Variants in DGKH observed in about 807,000 individuals in gnomAD.
DGKH encodes the protein DAG kinase eta.
A neutral mutation model predicts 159.3 loss-of-function variants in DGKH; 90 were observed. The ratio of observed to expected loss-of-function variants is 0.57; its 90% confidence interval spans 0.48 to 0.67. The LOEUF (loss-of-function observed/expected upper bound fraction) is 0.67. Ranked by LOEUF, DGKH falls within the 30% of genes least tolerant of loss-of-function variation. DGKH has a pLI of 0.00. For synonymous variants in DGKH, 536 were observed against 553.8 expected (o/e 0.97, Z 0.45); for missense variants, 1,181 against 1,506.1 (o/e 0.78, Z 3.57).
At chr13:42,175,447 T>C (rs1475327) in intron 12 of DGKH, among the ~76,000 whole-genome samples, 33,351 of 152,180 alleles carry the variant, frequency 0.22, 4,357 homozygotes, top group Admixed American at 0.29. Flanking sequence ...CACATTTTTA[T>C]GGAAATCAGT....
chr13:42,194,800 T>A lies in DGKH; in HGVS notation c.2036-85T>A, dbSNP rs1383595468. Reference sequence around the variant, plus strand: ...CATTTCTACTGATTGATTTAAACATTATTTTATGTTTTAAATTTATAGGAA... The same window carrying A: ...CATTTCTACTGATTGATTTAAACATAATTTTATGTTTTAAATTTATAGGAA... On this transcript the variant is annotated intron_variant, in intron 16 of 29. Transcript: ENST00000337343. 3 of 1,423,196 alleles carry A rather than the reference T, an allele frequency of 2.1e-6. No homozygotes were observed. In the East Asian group the frequency reaches 7.2e-5, roughly 34 times the overall value. 88.2% of individuals were successfully genotyped at this position (1,423,196 alleles called of 1,614,324 possible).
rs1157786636 is a variant in DGKH, at chr13:42,053,406, A to G, written c.192+4441A>G. On this transcript the variant is annotated intron_variant, in intron 1 of 29. Coordinates refer to ENST00000337343, the MANE Select transcript of DGKH (RefSeq NM_178009.5). Reference sequence around the variant, plus strand: ...TATAACTATATATGTAACTGTATATATATAACTATATATGTAACTCTATAT... The same window carrying G: ...TATAACTATATATGTAACTGTATATGTATAACTATATATGTAACTCTATAT... 6.8e-5 allele frequency among the ~76,000 whole-genome samples: 10 copies of G among 147,638 alleles called. No individual in the cohort carries two copies. In the East Asian group the frequency reaches 1.4e-3, roughly 20 times the overall value.
At chr13:42,181,674 C>T in intron 13 of DGKH, 1 of 406,742 alleles carries the variant, frequency 2.5e-6, no homozygotes, top group African/African-American at 2.1e-5. Context: ...GTTTAAGCCA[C>T]CCCATTCCCA....
rs17702229 is a variant in DGKH at position 42,198,545 on chromosome 13, C to T, written c.2235C>T (p.Asn745=). The stretch of plus-strand genomic sequence containing the variant: ...TTATCAACAAAATGTTACTGGCAAA[C>T]ATTGATCCTTTTGGTGCCACGCCGT... The part of the protein sequence containing the change: ...SSIINKMLLA[N]IDPFGATPFI... The change falls in exon 18 of 30, where the codon AAC becomes AAT. Residue 745 remains asparagine (N), a synonymous_variant. Transcript: ENST00000337343. The T allele has an allele frequency of 2.2e-4, 360 of 1,613,544 alleles. 3 individuals carry two copies. In the East Asian group the frequency reaches 6.9e-3, roughly 31 times the overall value.
At chr13:42,174,246 A>G (rs892863049) in intron 12 of DGKH, 102 bp downstream of exon 12, 9 of 975,508 alleles carry the variant, frequency 9.2e-6, no homozygotes, top group African/African-American at 1.7e-5. Flanking sequence ...TTGTGGTAGC[A>G]TGTTAACTTA....
chr13:42,187,233 G>A, intron 14 of DGKH, 85 bp downstream of exon 14: 3 of 1,125,554 alleles, frequency 2.7e-6, no homozygotes, highest in Admixed American at 2.0e-5. Context: ...TTGATTAGGT[G>A]GTTTTCCTGC....
chr13:42,174,149 G>T lies in DGKH; in HGVS notation c.1452+5G>T. The T allele has an allele frequency of 6.2e-7, 1 of 1,607,222 alleles. No homozygotes were observed. The highest frequency in any genetic ancestry group is 8.5e-7 in the Non-Finnish European group (1 of 1,175,816). ...GAAGCATCTGAAGAATTTTATGTAA[G>T]ACTTAACCCTTTACCTATCATTTGA... On this transcript the variant is annotated splice_donor_5th_base_variant and intron_variant, in intron 12 of 29. Coordinates refer to ENST00000337343, the MANE Select transcript of DGKH (RefSeq NM_178009.5).
chr13:42,215,804 C>T, intron 26 of DGKH, 137 bp downstream of exon 26: 1 of 691,344 alleles, frequency 1.4e-6, no homozygotes, highest in African/African-American at 1.8e-5. Context: ...TGCCTCTTCA[C>T]CTGGTTTTTG....
chr13:42,096,525 A>G (rs1021231719), intron 1 of DGKH, among the ~76,000 whole-genome samples: 2 of 152,202 alleles, frequency 1.3e-5, no homozygotes, highest in African/African-American at 4.8e-5. Flanking sequence ...TGTTTTTGCC[A>G]TATGACAAGT....
At chr13:42,160,163 T>C in intron 7 of DGKH, 27 bp downstream of exon 7, 1 of 1,613,420 alleles carries the variant, frequency 6.2e-7, no homozygotes, top group Non-Finnish European at 8.5e-7. Flanking sequence ...CAGTTCATCC[T>C]TTTTAATTAG....
rs542514760 is a variant in DGKH at position 42,168,335 on chromosome 13, G to A, written c.1119-105G>A. ...TGGTATAATTAACATGTAAGTAGGAGTTCTTATATTTAATCTGAATATGAA... is the reference window on the plus strand; with the variant it reads ...TGGTATAATTAACATGTAAGTAGGAATTCTTATATTTAATCTGAATATGAA... On this transcript the variant is annotated intron_variant, in intron 9 of 29. Coordinates refer to ENST00000337343, the MANE Select transcript of DGKH (RefSeq NM_178009.5). The A allele has an allele frequency of 2.1e-4, 193 of 934,014 alleles. No homozygotes were observed. The African/African-American group carries it at 3.1e-3, about 15-fold the overall frequency. 57.9% of individuals were successfully genotyped at this position (934,014 alleles called of 1,614,324 possible).
At chr13:42,185,086 TG>T (rs913023606) in intron 13 of DGKH, among the ~76,000 whole-genome samples, 115 of 152,274 alleles carry the variant, frequency 7.6e-4, no homozygotes, top group African/African-American at 2.5e-3. Context: ...ATCTTAAGAT[TG>T]TTTTTTCTCC....
intron 1 of DGKH, among the ~76,000 whole-genome samples, chr13:42,127,233 G>A (rs188055076): frequency 1.3e-4 from 20 of 152,246 alleles, no homozygotes; most frequent in African/African-American, 4.3e-4. Context: ...CATGTGTCTT[G>A]CCTATTATTT....
At chr13:42,217,142 T>C (rs1957820825) in intron 26 of DGKH, among the ~76,000 whole-genome samples, 1 of 152,208 alleles carries the variant, frequency 6.6e-6, no homozygotes, top group South Asian at 2.1e-4. Context: ...GCAACTAAGG[T>C]TTACTCTATA....
chr13:42,153,955 A>G (rs1955979311), intron 3 of DGKH: 1 of 152,228 alleles, frequency 6.6e-6, no homozygotes, highest in Non-Finnish European at 1.5e-5. Flanking sequence ...TCTGGGTTTA[A>G]GGAAGGATTC....
At chr13:42,044,511 G>A (rs1344948780), upstream of DGKH, among the ~76,000 whole-genome samples, 3 of 152,036 alleles carry the variant, frequency 2.0e-5, no homozygotes, top group Non-Finnish European at 2.9e-5. Flanking sequence ...GGATGGTCTC[G>A]ATCTCCTGAC....
chr13:42,254,920 T>C (rs1323543610), intron 30 of DGKH, among the ~76,000 whole-genome samples: 1 of 152,154 alleles, frequency 6.6e-6, no homozygotes, highest in Non-Finnish European at 1.5e-5. Flanking sequence ...GATGCTTTCA[T>C]AGAAAAAGCA....
rs1594276146 is a variant in DGKH, at chr13:42,255,834, AG to A, written n.4128-447del. The A allele has an allele frequency of 2.5e-5, 16 of 645,550 alleles. No individual in the cohort carries two copies. The East Asian group carries it at 4.5e-4, about 18-fold the overall frequency. The allele number at this position is 645,550 out of a possible 1,614,324, so 40.0% of individuals were successfully genotyped here. A position where few individuals can be genotyped will look rare whatever the true frequency, so the allele number is the denominator to read the frequency against. On this transcript the variant is annotated intron_variant and non_coding_transcript_variant, in intron 30 of 30. Transcript: ENST00000498255. Reference sequence around the variant, plus strand: ...AGATTATTTTAAGTAATATATAAAAAGGGCAGCCCATTTTTATCTTCAAAAA... The same window carrying A: ...AGATTATTTTAAGTAATATATAAAAAGGCAGCCCATTTTTATCTTCAAAAA...
At chr13:42,225,772 CAAAA>C (rs66933711) in intron 29 of DGKH, among the ~76,000 whole-genome samples, 1 of 120,428 alleles carries the variant, frequency 8.3e-6, no homozygotes, top group African/African-American at 3.0e-5. Flanking sequence ...GACTCTGTCT[CAAAA>C]AAAAAAAAAA....
Sources: gnomAD v4.1 joint callset for allele counts (sites outside exome capture counted in the v4.1 genomes callset) on GRCh38, gnomAD v4.1.1 for gene constraint, MANE v1.5 for transcripts, NCBI Gene and HGNC (gene_info 2026-07-23, HGNC 2026-07-21) for gene names.